The following CPQ variants were observed in gnomAD, a reference collection of about 807,000 sequenced individuals.
CPQ encodes carboxypeptidase Q.
Under a neutral mutation model 45.7 loss-of-function variants are expected in CPQ, and 37 were observed. The observed-to-expected ratio is 0.81, with a 90% confidence interval of 0.62 to 1.07. CPQ has a LOEUF of 1.07. CPQ is among the 50% of genes least tolerant of loss of function. The probability of loss-of-function intolerance (pLI) is 0.00; values close to 1 mark genes in which losing one functional copy is unlikely to be tolerated. For synonymous variants in CPQ, 186 were observed against 205.8 expected (o/e 0.90, Z 0.82); for missense variants, 537 against 572.9 (o/e 0.94, Z 0.64).
intron 4 of CPQ, among the ~76,000 whole-genome samples, chr8:96,954,763 C>T (rs1205967917): frequency 6.6e-6 from 1 of 151,834 alleles, no homozygotes; most frequent in African/African-American, 2.4e-5. Context: ...AACCCCACAA[C>T]AGGCCCCGGT....
intron 1 of CPQ, among the ~76,000 whole-genome samples, chr8:96,704,942 C>G (rs549836720): frequency 1.3e-5 from 2 of 152,246 alleles, no homozygotes; most frequent in East Asian, 3.9e-4. Flanking sequence ...AATGAATACA[C>G]TCATTTGAGT....
intron 1 of CPQ, among the ~76,000 whole-genome samples, chr8:96,746,125 C>A (rs1303526041): frequency 6.6e-6 from 1 of 152,116 alleles, no homozygotes; most frequent in African/African-American, 2.4e-5. Context: ...TTTAATAAAA[C>A]CCTATTTGAT....
chr8:96,717,097 A>ACACAC (rs1302525366), intron 1 of CPQ, among the ~76,000 whole-genome samples: 2 of 138,444 alleles, frequency 1.4e-5, no homozygotes, highest in African/African-American at 5.5e-5. Flanking sequence ...ACACACACAC[A>ACACAC]CACACCACAT....
At chr8:97,068,024 G>A (rs560974089) in intron 7 of CPQ, among the ~76,000 whole-genome samples, 111 of 152,280 alleles carry the variant, frequency 7.3e-4, no homozygotes, top group Non-Finnish European at 8.5e-4. Context: ...GAATGAGAGT[G>A]CAGACGGGGG....
chr8:96,861,799 G>C (rs1811930241), intron 3 of CPQ, among the ~76,000 whole-genome samples: 1 of 152,044 alleles, frequency 6.6e-6, no homozygotes, highest in Non-Finnish European at 1.5e-5. Context: ...GGCCAGGCTG[G>C]GATAGTGCCA....
In CPQ at chr8:96,906,776, C is replaced by T. The variant is rs114048194; in HGVS notation, c.849+26771C>T. Among the ~76,000 whole-genome samples, 935 of 152,230 alleles carry T rather than the reference C, an allele frequency of 6.1e-3. 10 individuals carry two copies. The highest frequency in any genetic ancestry group is 0.021 in the African/African-American group (860 of 41,538). ...ATTCCATTCATGAGGACTCTGCCCT[C>T]ATGACCTAATCACCTTCCAAACACC... On this transcript the variant is annotated intron_variant, in intron 4 of 7. Coordinates refer to ENST00000220763, the MANE Select transcript of CPQ (RefSeq NM_016134.4).
intron 7 of CPQ, among the ~76,000 whole-genome samples, chr8:97,089,243 C>CAAA (rs61075671): frequency 3.1e-4 from 38 of 122,356 alleles, no homozygotes; most frequent in African/African-American, 6.1e-4. Context: ...AGCTCAGTCT[C>CAAA]AAAAAAAAAA....
At chr8:97,132,469 A>G (rs1435000005) in intron 7 of CPQ, among the ~76,000 whole-genome samples, 1 of 152,206 alleles carries the variant, frequency 6.6e-6, no homozygotes, top group Admixed American at 6.5e-5. Flanking sequence ...TGGTTGCCAA[A>G]AGAATGGGAG....
intron 6 of CPQ, among the ~76,000 whole-genome samples, chr8:97,047,838 C>T (rs113434730): frequency 4.6e-5 from 7 of 152,108 alleles, no homozygotes; most frequent in African/African-American, 1.2e-4. Context: ...GCGTTCAGAG[C>T]GGAGGCACCC....
At chr8:97,079,198 A>T (rs1586530789) in intron 7 of CPQ, among the ~76,000 whole-genome samples, 1 of 152,290 alleles carries the variant, frequency 6.6e-6, no homozygotes, top group South Asian at 2.1e-4. Flanking sequence ...GGGGAAGAGA[A>T]TATGAGTAGG....
chr8:96,784,759 G>A, intron 1 of CPQ, 105 bp from the exon 2 acceptor site: 2 of 774,376 alleles, frequency 2.6e-6, no homozygotes, highest in Non-Finnish European at 4.1e-6. Context: ...TTGGGCAGTG[G>A]TTGGGAAGGG....
At position 97,021,002 on chromosome 8, in the gene CPQ, C is replaced by T. The variant is rs557701043; in HGVS notation, c.962-8401C>T. On this transcript the variant is annotated intron_variant, in intron 5 of 7. Transcript: ENST00000220763. ...AATACTAGCTAACCAAATCCAACAA[C>T]GTATCAAAAAGATAATCCACCATGA... Among the ~76,000 whole-genome samples, 253 of 152,228 alleles carry T rather than the reference C, an allele frequency of 1.7e-3. 1 individual carries two copies. The highest frequency in any genetic ancestry group is 5.8e-3 in the African/African-American group (239 of 41,558).
At chr8:97,085,696 G>A (rs1811030079) in intron 7 of CPQ, among the ~76,000 whole-genome samples, 1 of 152,092 alleles carries the variant, frequency 6.6e-6, no homozygotes, top group Non-Finnish European at 1.5e-5. Context: ...TTTGGACATT[G>A]TAAGCATCTC....
At position 96,785,280 on chromosome 8, in the gene CPQ, A is replaced by T; in HGVS notation, c.383A>T (p.His128Leu). ...ESAVMLEPRI[H>L]KIAILGLGSS... ...GCTGTGATGCTGGAGCCAAGAATTC[A>T]TAAGATAGCCATCCTGGGTCTTGGC... Residue 128 changes from histidine (H) to leucine (L), a missense_variant, in exon 2 of 8, where the codon CAT (histidine) becomes CTT (leucine). By Grantham distance (99) the His-to-Leu change is moderately conservative. Transcript: ENST00000220763. 6.2e-7 allele frequency: 1 copy of T among 1,613,078 alleles called. No homozygotes were observed. The highest frequency in any genetic ancestry group is 8.5e-7 in the Non-Finnish European group (1 of 1,179,300).
chr8:96,821,762 G>C (rs1283013866), intron 2 of CPQ, among the ~76,000 whole-genome samples: 1 of 151,512 alleles, frequency 6.6e-6, no homozygotes, highest in Non-Finnish European at 1.5e-5. Context: ...TTCAGCTCTT[G>C]GGTTTTACAG....
At chr8:96,716,083 AC>A (rs904432695) in intron 1 of CPQ, among the ~76,000 whole-genome samples, 2 of 152,184 alleles carry the variant, frequency 1.3e-5, no homozygotes, top group Non-Finnish European at 2.9e-5. Flanking sequence ...ATGTGGACAG[AC>A]CAGGACCTTC....
intron 1 of CPQ, among the ~76,000 whole-genome samples, chr8:96,744,874 G>A (rs1182478165): frequency 6.6e-6 from 1 of 152,170 alleles, no homozygotes; most frequent in East Asian, 1.9e-4. Context: ...GGACTGAAGT[G>A]TTGATCTGGA....
At chr8:96,789,911 A>G (rs1810824818) in intron 2 of CPQ, among the ~76,000 whole-genome samples, 1 of 152,106 alleles carries the variant, frequency 6.6e-6, no homozygotes, top group South Asian at 2.1e-4. Flanking sequence ...GTTCCTGAGT[A>G]GGTATGACCT....
intron 2 of CPQ, among the ~76,000 whole-genome samples, chr8:96,788,145 G>A (rs1810798689): frequency 7.0e-6 from 1 of 143,402 alleles, no homozygotes; most frequent in Admixed American, 6.9e-5. Flanking sequence ...GGACTCCATT[G>A]TTTCTTTTTC....
Sources: allele counts gnomAD v4.1 joint callset (sites outside exome capture counted in the v4.1 genomes callset), GRCh38; gene constraint gnomAD v4.1.1; transcripts MANE v1.5; gene names NCBI Gene and HGNC (gene_info 2026-07-23, HGNC 2026-07-21).